Variants in SH3KBP1 observed in about 807,000 individuals in gnomAD.
SH3KBP1 encodes SH3 domain containing kinase binding protein 1, also known as SH3 domain-containing kinase-binding protein 1.
In SH3KBP1, 8 loss-of-function variants were observed where a neutral mutation model predicts 50.1. That is an observed-to-expected ratio of 0.16 (90% confidence interval 0.09 to 0.29). The LOEUF (loss-of-function observed/expected upper bound fraction) is 0.29, where lower values mean the gene tolerates loss of function less well. Ranked by LOEUF, SH3KBP1 falls within the 10% of genes least tolerant of loss-of-function variation. The pLI, the probability that SH3KBP1 is intolerant of heterozygous loss-of-function variation, is 1.00. For missense variants in SH3KBP1, 377 were observed against 535.2 expected, an observed-to-expected ratio of 0.70 and a Z score of 2.92; for synonymous variants, 227 against 218.6, an observed-to-expected ratio of 1.04 and a Z score of -0.34.
chrX:19,738,694 CAA>C (rs1193680181), intron 3 of SH3KBP1, among the ~76,000 whole-genome samples: 23 of 37,172 alleles, frequency 6.2e-4, no homozygotes, highest in Middle Eastern at 0.017. Context: ...GTCAGCAATG[CAA>C]AAAAAAAAAA....
chrX:19,692,426 C>T (rs976622078), intron 5 of SH3KBP1, among the ~76,000 whole-genome samples: 6 of 110,442 alleles, frequency 5.4e-5, no homozygotes, highest in Admixed American at 1.9e-4. Context: ...TCTTGGCATA[C>T]TCCCTTATAA....
chrX:19,859,979 G>A (rs1021576952), intron 1 of SH3KBP1, among the ~76,000 whole-genome samples: 1 of 111,538 alleles, frequency 9.0e-6, no homozygotes, highest in African/African-American at 3.3e-5. Flanking sequence ...TGTGAACCAA[G>A]TATTCATACA....
chrX:19,705,113 A>G (rs2148668524), intron 4 of SH3KBP1, among the ~76,000 whole-genome samples: 1 of 112,343 alleles, frequency 8.9e-6, no homozygotes, highest in East Asian at 2.8e-4. Context: ...GTAAAAACCC[A>G]TTATTGTCTT....
intron 2 of SH3KBP1, among the ~76,000 whole-genome samples, chrX:19,760,023 C>CCTCTCTCT (rs375944570): frequency 1.2e-5 from 1 of 83,582 alleles, no homozygotes; most frequent in Non-Finnish European, 2.2e-5. Context: ...CTCTCTCTCT[C>CCTCTCTCT]CTCTCTCTCT....
chrX:19,679,532 A>G (rs1460156373), intron 6 of SH3KBP1, among the ~76,000 whole-genome samples: 1 of 112,153 alleles, frequency 8.9e-6, no homozygotes, highest in East Asian at 2.8e-4. Flanking sequence ...CTATAGCCAT[A>G]TAGCATTTTC....
intron 6 of SH3KBP1, among the ~76,000 whole-genome samples, chrX:19,662,067 G>A (rs771135612): frequency 6.4e-4 from 72 of 111,817 alleles, no homozygotes; most frequent in African/African-American, 2.3e-3. Context: ...TGCAACTTTC[G>A]CTTGTGTGTC....
rs190944298 is a variant in SH3KBP1, at chrX:19,868,122, C to A, written c.4+19185G>T. ...AATGTATGATGAGGTGATTATTGCA[C>A]ACAAGGCGGCTCTGGCCACGATGTG... On this transcript the variant is annotated intron_variant, in intron 1 of 17. Coordinates refer to ENST00000397821, the MANE Select transcript of SH3KBP1 (RefSeq NM_031892.3). Among the ~76,000 whole-genome samples the A allele has an allele frequency of 5.3e-4, 59 of 112,187 alleles. No homozygotes were observed. The Admixed American group carries it at 5.4e-3, about 10-fold the overall frequency.
At chrX:19,823,961 C>G (rs973751034) in intron 2 of SH3KBP1, among the ~76,000 whole-genome samples, 1 of 111,321 alleles carries the variant, frequency 9.0e-6, no homozygotes, top group African/African-American at 3.3e-5. Flanking sequence ...GCTGGGACTA[C>G]AGGCATGGAC....
At chrX:19,753,882 T>C (rs1057306833) in intron 2 of SH3KBP1, among the ~76,000 whole-genome samples, 1 of 112,343 alleles carries the variant, frequency 8.9e-6, no homozygotes. Flanking sequence ...TTTACATATT[T>C]CATAATTTGC....
intron 2 of SH3KBP1, among the ~76,000 whole-genome samples, chrX:19,811,220 A>G (rs1250782962): frequency 8.9e-6 from 1 of 112,124 alleles, no homozygotes; most frequent in Non-Finnish European, 1.9e-5. Context: ...AGATTGAATC[A>G]TGAATATAAG....
At chrX:19,536,756 G>A (rs1427857312) in intron 17 of SH3KBP1, among the ~76,000 whole-genome samples, 1 of 111,877 alleles carries the variant, frequency 8.9e-6, no homozygotes, top group African/African-American at 3.2e-5. Flanking sequence ...TAGAGCAGGC[G>A]GTCCTAACAG....
At chrX:19,768,644 T>C (rs2065690273) in intron 2 of SH3KBP1, among the ~76,000 whole-genome samples, 1 of 106,923 alleles carries the variant, frequency 9.4e-6, no homozygotes, top group Admixed American at 1.0e-4. Flanking sequence ...GTGGTGTCTA[T>C]GTTTAGGAGA....
chrX:19,738,160 C>CCATA (rs2064650005), intron 3 of SH3KBP1, among the ~76,000 whole-genome samples: 1 of 111,585 alleles, frequency 9.0e-6, no homozygotes, highest in Non-Finnish European at 1.9e-5. Context: ...GGTCTCCTTA[C>CCATA]CATAGGCCAT....
intron 12 of SH3KBP1, among the ~76,000 whole-genome samples, chrX:19,572,262 T>C (rs1349221635): frequency 3.8e-4 from 41 of 106,834 alleles, no homozygotes; most frequent in Admixed American, 3.8e-3. Flanking sequence ...TACATATATG[T>C]TATATAGAGT....
chrX:19,822,081 TC>T (rs1196312952), intron 2 of SH3KBP1, among the ~76,000 whole-genome samples: 2 of 112,432 alleles, frequency 1.8e-5, no homozygotes, highest in Admixed American at 9.4e-5. Context: ...ATATGTCATG[TC>T]TCTCTTGCTG....
intron 8 of SH3KBP1, among the ~76,000 whole-genome samples, chrX:19,615,649 A>C (rs2067586452): frequency 8.9e-6 from 1 of 112,057 alleles, no homozygotes; most frequent in African/African-American, 3.2e-5. Flanking sequence ...AGATGCAATT[A>C]TTCTGCATGG....
intron 1 of SH3KBP1, among the ~76,000 whole-genome samples, chrX:19,864,458 C>T (rs2068854386): frequency 8.9e-6 from 1 of 111,805 alleles, no homozygotes; most frequent in African/African-American, 3.3e-5. Context: ...CCAATGTACC[C>T]ACAAGGGTTC....
At chrX:19,857,070 G>A (rs1462056896) in intron 1 of SH3KBP1, among the ~76,000 whole-genome samples, 1 of 93,865 alleles carries the variant, frequency 1.1e-5, no homozygotes, top group Admixed American at 1.4e-4. Flanking sequence ...AGGTCCATAT[G>A]CATCAGATGG....
chrX:19,726,539 C>T, intron 3 of SH3KBP1, among the ~76,000 whole-genome samples: 1 of 110,235 alleles, frequency 9.1e-6, no homozygotes, highest in Admixed American at 9.7e-5. Context: ...TATAGGTAAA[C>T]TCATGTCATA....
Sources: gnomAD v4.1 joint callset for allele counts (sites outside exome capture counted in the v4.1 genomes callset) on GRCh38, gnomAD v4.1.1 for gene constraint, MANE v1.5 for transcripts, NCBI Gene and HGNC (gene_info 2026-07-23, HGNC 2026-07-21) for gene names.